ZEB2: variants seen among roughly 807,000 people sequenced by gnomAD.
The protein encoded by ZEB2 is zinc finger E-box binding homeobox 2, also known as zinc finger E-box-binding homeobox 2.
In ZEB2, 6 loss-of-function variants were observed where a neutral mutation model predicts 99.9. The observed-to-expected ratio is 0.06, with a 90% CI of 0.03 to 0.12. The LOEUF (loss-of-function observed/expected upper bound fraction) is 0.12, where lower values mean the gene tolerates loss of function less well. Among genes scored for constraint, ZEB2 ranks in the 10% least tolerant of loss-of-function variants. The pLI is 1.00. For synonymous variants in ZEB2, 517 were observed against 542.5 expected (o/e 0.95, Z 0.65); for missense variants, 969 against 1,502.8 (o/e 0.64, Z 5.87).
At chr2:144,489,198 T>C (rs889092591) in intron 2 of ZEB2, among the ~76,000 whole-genome samples, 13 of 152,218 alleles carry the variant, frequency 8.5e-5, no homozygotes, top group Admixed American at 7.9e-4. Context: ...TATGGTGGTA[T>C]GTTATTACAA....
intron 2 of ZEB2, among the ~76,000 whole-genome samples, chr2:144,435,494 G>C (rs1171955402): frequency 1.3e-5 from 2 of 151,818 alleles, no homozygotes; most frequent in Non-Finnish European, 2.9e-5. Flanking sequence ...AGTCACTCAG[G>C]AGGTTGAGGT....
intron 4 of ZEB2, among the ~76,000 whole-genome samples, chr2:144,412,612 T>G (rs1272607341): frequency 6.6e-6 from 1 of 152,236 alleles, no homozygotes; most frequent in Non-Finnish European, 1.5e-5. Flanking sequence ...TTCACGAAAT[T>G]CTGACCCTTG....
intron 4 of ZEB2, among the ~76,000 whole-genome samples, chr2:144,422,662 T>C (rs1369742505): frequency 2.0e-5 from 3 of 152,104 alleles, no homozygotes; most frequent in Non-Finnish European, 2.9e-5. Flanking sequence ...TAGCCGGGCA[T>C]GGTGGTGCAT....
At chr2:144,401,748 A>T (rs1703314131) in intron 6 of ZEB2, among the ~76,000 whole-genome samples, 1 of 152,216 alleles carries the variant, frequency 6.6e-6, no homozygotes, top group African/African-American at 2.4e-5. Flanking sequence ...AACAAAAGTT[A>T]TCAATTTTTT....
At position 144,399,352 on chromosome 2, in the gene ZEB2, G is replaced by A. The variant is rs1206446041; in HGVS notation, c.1835C>T (p.Ala612Val). Reference protein sequence around the residue: ...YLCKMNEEIKAVLQPHENIVP... With the variant: ...YLCKMNEEIKVVLQPHENIVP... ...TATGTTTTCATGAGGCTGCAGGACC[G>A]CCTTGATCTCTTCATTCATCTTACA... The change falls in exon 8 of 10, where the codon GCG becomes GTG. Residue 612 changes from alanine to valine, a missense_variant. Ala to Val is a moderately conservative substitution (Grantham distance 64, BLOSUM62 0). Transcript: ENST00000627532. The surrounding 1 kb of genome is among the most constrained non-coding windows in gnomAD (Gnocchi z 5.6). 1.3e-5 allele frequency: 21 copies of A among 1,613,990 alleles called. No individual in the cohort carries two copies. Among genetic ancestry groups the A allele is most frequent in the Admixed American group, 1.7e-5 (1 of 59,998 alleles).
chr2:144,390,151 C>G, intron 9 of ZEB2, 123 bp from the exon 10 acceptor site: 1 of 1,034,446 alleles, frequency 9.7e-7, no homozygotes, highest in Non-Finnish European at 1.5e-6. Flanking sequence ...AAGATCAACA[C>G]ACCCCGGTCT....
chr2:144,391,694 T>C (rs766094554), intron 9 of ZEB2, among the ~76,000 whole-genome samples: 85 of 152,222 alleles, frequency 5.6e-4, no homozygotes, highest in Non-Finnish European at 1.2e-3. Context: ...GGAAACTTCA[T>C]GTCATTATGT....
intron 2 of ZEB2, chr2:144,449,489 A>G (rs1274758136): frequency 6.6e-6 from 1 of 152,276 alleles, no homozygotes; most frequent in East Asian, 1.9e-4. Flanking sequence ...ATGAACACCT[A>G]TAACAAGTAC....
At chr2:144,429,246 T>A (rs2149890875) in intron 3 of ZEB2, 1 of 161,600 alleles carries the variant, frequency 6.2e-6, no homozygotes. Context: ...CCTGACCAGG[T>A]AAAAGTGTGA....
chr2:144,396,066 G>A (rs888352166), intron 9 of ZEB2, among the ~76,000 whole-genome samples: 2 of 152,052 alleles, frequency 1.3e-5, no homozygotes, highest in Admixed American at 1.3e-4. Flanking sequence ...ACATATATAG[G>A]TTCATCTTAA....
intron 2 of ZEB2, among the ~76,000 whole-genome samples, chr2:144,510,716 C>T (rs13005224): frequency 7.4e-6 from 1 of 135,722 alleles, no homozygotes; most frequent in African/African-American, 2.6e-5. Flanking sequence ...CTCTCTCTCT[C>T]TTTCTCTCTC....
chr2:144,478,594 A>C (rs548042125), intron 2 of ZEB2, among the ~76,000 whole-genome samples: 3 of 152,364 alleles, frequency 2.0e-5, no homozygotes, highest in African/African-American at 4.8e-5. Flanking sequence ...CCAGCCCTTT[A>C]GGAAACACAA....
chr2:144,484,235 T>C (rs1369299521), intron 2 of ZEB2, among the ~76,000 whole-genome samples: 1 of 96,184 alleles, frequency 1.0e-5, no homozygotes, highest in East Asian at 2.8e-4. Context: ...TTTTTAAATA[T>C]TGGCAACCAA....
intron 4 of ZEB2, among the ~76,000 whole-genome samples, chr2:144,418,867 C>T (rs1042543494): frequency 2.0e-5 from 3 of 151,872 alleles, no homozygotes; most frequent in South Asian, 2.1e-4. Context: ...ACATTGGGCA[C>T]GGTGTACACT....
chr2:144,511,474 T>TA (rs1705037658), intron 2 of ZEB2: 1 of 1,274,560 alleles, frequency 7.8e-7, no homozygotes, highest in South Asian at 1.3e-5. Context: ...TCACACAAGA[T>TA]AAAAGTATTT....
chr2:144,394,369 C>G (rs1703193629), intron 9 of ZEB2: 1 of 152,084 alleles, frequency 6.6e-6, no homozygotes, highest in Admixed American at 6.6e-5. Flanking sequence ...ACAGCCCTCA[C>G]TAAAATAAAA....
intron 4 of ZEB2, among the ~76,000 whole-genome samples, chr2:144,413,668 A>C (rs1156360792): frequency 6.6e-6 from 1 of 152,248 alleles, no homozygotes; most frequent in Non-Finnish European, 1.5e-5. Flanking sequence ...GATACAACCA[A>C]GAAGAATATG....
chr2:144,424,392 A>G (rs1321454972), intron 4 of ZEB2: 2 of 520,568 alleles, frequency 3.8e-6, no homozygotes, highest in South Asian at 1.4e-5. Context: ...AAAATTTTAC[A>G]GTCTAAATTA....
chr2:144,411,313 T>A (rs1328379219), intron 4 of ZEB2, among the ~76,000 whole-genome samples: 1 of 151,926 alleles, frequency 6.6e-6, no homozygotes, highest in Non-Finnish European at 1.5e-5. Flanking sequence ...TTTGTTAACA[T>A]CTCAGATGAT....
Sources: allele counts gnomAD v4.1 joint callset (sites outside exome capture counted in the v4.1 genomes callset), GRCh38; gene constraint gnomAD v4.1.1; non-coding constraint Gnocchi (gnomAD v3.1); transcripts MANE v1.5; gene names NCBI Gene and HGNC (gene_info 2026-07-23, HGNC 2026-07-21).